The following PANX1 variants were observed in gnomAD, a reference collection of about 807,000 sequenced individuals.
PANX1 encodes pannexin-1.
In PANX1, 30 loss-of-function variants were observed where a neutral mutation model predicts 38.7. That is an observed-to-expected ratio of 0.78 (90% CI 0.58 to 1.05). PANX1 has a LOEUF of 1.05. PANX1 is among the 50% of genes least tolerant of loss of function. The pLI is 0.00. For missense variants in PANX1, 551 were observed against 517.2 expected (o/e 1.07, Z -0.63); for synonymous variants, 230 against 212.2 (o/e 1.08, Z -0.73).
At chr11:94,130,052 A>T (rs1388396720) in intron 1 of PANX1, among the ~76,000 whole-genome samples, 1 of 152,218 alleles carries the variant, frequency 6.6e-6, no homozygotes, top group Non-Finnish European at 1.5e-5. Context: ...GGTCTTACAA[A>T]TGTGAGATGA....
In PANX1 at chr11:94,153,494, C is replaced by T. The variant is rs778915666; in HGVS notation, c.185C>T (p.Thr62Ile). Residue 62 changes from threonine to isoleucine, a missense_variant, in exon 2 of 5, where the codon ACA becomes ATA. Transcript: ENST00000227638. ...LAFAQEISIG[T>I]QISCFSPSSF... Reference sequence around the variant, plus strand: ...AACTATCTGTTTTGCTTCTTAGGTACACAGATAAGCTGTTTCTCTCCAAGT... The same window carrying T: ...AACTATCTGTTTTGCTTCTTAGGTATACAGATAAGCTGTTTCTCTCCAAGT... The T allele has an allele frequency of 6.2e-7, 1 of 1,614,052 alleles. No individual in the cohort carries two copies. Among genetic ancestry groups the T allele is most frequent in the Admixed American group, 1.7e-5 (1 of 60,002 alleles).
intron 1 of PANX1, among the ~76,000 whole-genome samples, chr11:94,133,649 G>C (rs573514170): frequency 3.3e-5 from 5 of 152,326 alleles, no homozygotes; most frequent in Non-Finnish European, 1.5e-5. Context: ...CTGCAGGTGT[G>C]CCTCCTCTGA....
chr11:94,154,239 C>T (rs1946920534), intron 2 of PANX1, among the ~76,000 whole-genome samples: 1 of 152,134 alleles, frequency 6.6e-6, no homozygotes, highest in Non-Finnish European at 1.5e-5. Context: ...TGTCTGGGTT[C>T]CACTCCACTT....
intron 2 of PANX1, among the ~76,000 whole-genome samples, chr11:94,170,946 C>A (rs111561983): frequency 6.6e-6 from 1 of 151,672 alleles, no homozygotes; most frequent in African/African-American, 2.4e-5. Context: ...CATGGACTTG[C>A]GTAATTTCTT....
chr11:94,180,399 AG>A (rs1947292303), intron 4 of PANX1, 142 bp downstream of exon 4: 1 of 675,146 alleles, frequency 1.5e-6, no homozygotes, highest in South Asian at 2.2e-5. Flanking sequence ...GGTGCGGGGT[AG>A]GGGGAGTGGG....
chr11:94,172,722 CAAGCTCTCCCAGATGATCACAAACTGT>C (rs1292717866), intron 2 of PANX1, among the ~76,000 whole-genome samples: 1 of 151,716 alleles, frequency 6.6e-6, no homozygotes, highest in Non-Finnish European at 1.5e-5. Flanking sequence ...CTGGAATACT[CAAGCTCTCCCAGATGATCACAAACTGT>C]ATTGAAAGGG....
At chr11:94,171,646 G>A (rs1947168869) in intron 2 of PANX1, among the ~76,000 whole-genome samples, 2 of 151,586 alleles carry the variant, frequency 1.3e-5, no homozygotes. Context: ...GCTGAAGTTA[G>A]GAGAGCTCAG....
intron 2 of PANX1, among the ~76,000 whole-genome samples, chr11:94,169,225 C>T (rs770269003): frequency 1.3e-5 from 2 of 151,334 alleles, no homozygotes; most frequent in African/African-American, 2.5e-5. Flanking sequence ...GAGGGCTGCT[C>T]CAACATGGAG....
chr11:94,138,129 G>A (rs1946722681), intron 1 of PANX1, among the ~76,000 whole-genome samples: 1 of 152,068 alleles, frequency 6.6e-6, no homozygotes, highest in Non-Finnish European at 1.5e-5. Flanking sequence ...TTTGACTGGT[G>A]TGGTTGGGTT....
At chr11:94,145,456 A>G (rs947750090) in intron 1 of PANX1, among the ~76,000 whole-genome samples, 4 of 152,226 alleles carry the variant, frequency 2.6e-5, no homozygotes, top group Admixed American at 2.6e-4. Context: ...ACATATCAAT[A>G]GTTGTATAGC....
chr11:94,151,271 T>C (rs1946879877), intron 1 of PANX1, among the ~76,000 whole-genome samples: 1 of 152,136 alleles, frequency 6.6e-6, no homozygotes, highest in Non-Finnish European at 1.5e-5. Flanking sequence ...AGCTTTAGTA[T>C]AAAAAGTGTA....
chr11:94,129,723 T>A (rs1023047448), intron 1 of PANX1, among the ~76,000 whole-genome samples: 10 of 152,302 alleles, frequency 6.6e-5, no homozygotes, highest in African/African-American at 2.2e-4. Context: ...TTGTTCCTCA[T>A]GCCCCTCTGA....
At chr11:94,131,758 A>C (rs907242578) in intron 1 of PANX1, among the ~76,000 whole-genome samples, 2 of 152,212 alleles carry the variant, frequency 1.3e-5, no homozygotes, top group African/African-American at 4.8e-5. Flanking sequence ...AAGAGGGGAG[A>C]GGTACATAGA....
intron 2 of PANX1, among the ~76,000 whole-genome samples, chr11:94,154,125 C>T (rs1212662818): frequency 6.6e-6 from 1 of 152,168 alleles, no homozygotes; most frequent in African/African-American, 2.4e-5. Context: ...TGATGAGGCC[C>T]TCTGGGGGTG....
At chr11:94,154,825 A>G (rs533674388) in intron 2 of PANX1, among the ~76,000 whole-genome samples, 100 of 152,358 alleles carry the variant, frequency 6.6e-4, no homozygotes, top group Non-Finnish European at 1.3e-3. Context: ...TTTATATGCT[A>G]TATGTATTAT....
At chr11:94,140,100 C>T (rs564795864) in intron 1 of PANX1, among the ~76,000 whole-genome samples, 4 of 152,144 alleles carry the variant, frequency 2.6e-5, no homozygotes, top group Admixed American at 6.5e-5. Flanking sequence ...ACTTCCAGAT[C>T]GGTTCAGAAA....
intron 2 of PANX1, among the ~76,000 whole-genome samples, chr11:94,167,326 C>T (rs1243574983): frequency 2.0e-5 from 3 of 152,124 alleles, no homozygotes; most frequent in East Asian, 3.9e-4. Flanking sequence ...AGTGATTGCT[C>T]CTCTGATTTT....
chr11:94,179,522 A>G (rs1947277570), intron 3 of PANX1, 80 bp from the exon 4 acceptor site: 1 of 1,002,802 alleles, frequency 1.0e-6, no homozygotes, highest in African/African-American at 1.6e-5. Context: ...TTAGTGTGAC[A>G]TTGTTGAATG....
At chr11:94,180,398 T>C (rs1161190728) in intron 4 of PANX1, 141 bp downstream of exon 4, 3 of 682,336 alleles carry the variant, frequency 4.4e-6, no homozygotes, top group Non-Finnish European at 7.2e-6. Flanking sequence ...AGGTGCGGGG[T>C]AGGGGGAGTG....
Sources: gnomAD v4.1 joint callset for allele counts (sites outside exome capture counted in the v4.1 genomes callset) on GRCh38, gnomAD v4.1.1 for gene constraint, MANE v1.5 for transcripts, NCBI Gene and HGNC (gene_info 2026-07-23, HGNC 2026-07-21) for gene names.